TMC1: variants seen among roughly 807,000 people sequenced by gnomAD.
TMC1 encodes the protein transmembrane channel-like protein 1.
In TMC1, 84 loss-of-function variants were observed where a neutral mutation model predicts 105.8. The ratio of observed to expected loss-of-function variants is 0.79; its 90% confidence interval spans 0.67 to 0.95. TMC1 has a LOEUF of 0.95. TMC1 is among the 40% of genes least tolerant of loss of function. The pLI is 0.00. For missense variants in TMC1, 817 were observed against 914.1 expected, an observed-to-expected ratio of 0.89 and a Z score of 1.37; for synonymous variants, 315 against 311.5, an observed-to-expected ratio of 1.01 and a Z score of -0.12.
chr9:72,753,286 C>CTTTTTTTTTT (rs5898269), intron 11 of TMC1, among the ~76,000 whole-genome samples: 7 of 81,824 alleles, frequency 8.6e-5, no homozygotes, highest in Admixed American at 1.6e-4. Flanking sequence ...TTAACCCCAG[C>CTTTTTTTTTT]TTTTTTTTTT....
At chr9:72,655,409 A>G (rs1825868694) in intron 5 of TMC1, among the ~76,000 whole-genome samples, 1 of 152,064 alleles carries the variant, frequency 6.6e-6, no homozygotes, top group Non-Finnish European at 1.5e-5. Context: ...TCACTCTTCC[A>G]TAGTTTCTGA....
At chr9:72,813,043 C>T (rs1458899918) in intron 18 of TMC1, among the ~76,000 whole-genome samples, 1 of 152,172 alleles carries the variant, frequency 6.6e-6, no homozygotes, top group Admixed American at 6.5e-5. Context: ...ATGGGCTTTT[C>T]TGATGCTGGC....
chr9:72,789,224 A>T lies in TMC1; in HGVS notation c.1131A>T (p.Gly377=), dbSNP rs1317459084. The T allele has an allele frequency of 6.2e-7, 1 of 1,613,980 alleles. No homozygotes were observed. The highest frequency in any genetic ancestry group is 1.7e-5 in the Admixed American group (1 of 60,022). ...ACTTCTTCGTGTTTCTAACACTTGG[A>T]GGGAGTGGATACCTCATCTTTTGGG... ...LANFFVFLTL[G]GSGYLIFWAV... Residue 377 remains glycine (G), a synonymous_variant, in exon 15 of 24, where the codon GGA becomes GGT. Coordinates refer to ENST00000297784, the MANE Select transcript of TMC1 (RefSeq NM_138691.3).
chr9:72,535,919 G>A (rs552563480), intron 1 of TMC1, among the ~76,000 whole-genome samples: 21 of 152,224 alleles, frequency 1.4e-4, no homozygotes, highest in African/African-American at 4.3e-4. Flanking sequence ...TAATTTATTC[G>A]TGAATGATTC....
intron 2 of TMC1, among the ~76,000 whole-genome samples, chr9:72,581,129 C>T (rs1422686082): frequency 6.6e-6 from 1 of 152,106 alleles, no homozygotes; most frequent in East Asian, 1.9e-4. Context: ...ACTTTAGCCC[C>T]ATAAATAATG....
intron 1 of TMC1, among the ~76,000 whole-genome samples, chr9:72,559,441 G>GCCCCC (rs551389085): frequency 1.8e-4 from 27 of 151,882 alleles, no homozygotes; most frequent in African/African-American, 6.5e-4. Context: ...AACTTTGTAG[G>GCCCCC]CCCCCACCGA....
At chr9:72,750,689 C>T (rs1042201832) in intron 10 of TMC1, among the ~76,000 whole-genome samples, 2 of 152,078 alleles carry the variant, frequency 1.3e-5, no homozygotes, top group African/African-American at 4.8e-5. Context: ...ATGCTCATCA[C>T]CCCTTCCTCT....
At chr9:72,716,866 G>A (rs1826929465) in intron 8 of TMC1, among the ~76,000 whole-genome samples, 1 of 152,190 alleles carries the variant, frequency 6.6e-6, no homozygotes, top group South Asian at 2.1e-4. Flanking sequence ...GCCCAGTTTT[G>A]TGTTGGAAAC....
At chr9:72,674,258 T>C (rs1025305048) in intron 5 of TMC1, among the ~76,000 whole-genome samples, 3 of 152,186 alleles carry the variant, frequency 2.0e-5, no homozygotes. Context: ...CAATAGGCTT[T>C]TAAAAATGCT....
intron 12 of TMC1, among the ~76,000 whole-genome samples, chr9:72,764,577 T>G (rs1362336251): frequency 6.6e-6 from 1 of 152,220 alleles, no homozygotes; most frequent in Non-Finnish European, 1.5e-5. Context: ...GGTGTTTTGA[T>G]TCATTAAATC....
At chr9:72,600,330 G>A (rs1045069203) in intron 2 of TMC1, among the ~76,000 whole-genome samples, 5 of 152,124 alleles carry the variant, frequency 3.3e-5, no homozygotes, top group South Asian at 2.1e-4. Context: ...TAGCTTTGTC[G>A]CTGATTCAGC....
chr9:72,668,343 T>C (rs1431522638), intron 5 of TMC1, among the ~76,000 whole-genome samples: 1 of 152,234 alleles, frequency 6.6e-6, no homozygotes, highest in Admixed American at 6.5e-5. Context: ...CAGGTCTGTC[T>C]GATTCTGAGA....
chr9:72,640,562 A>T (rs1166354076), intron 4 of TMC1, among the ~76,000 whole-genome samples: 2 of 152,160 alleles, frequency 1.3e-5, no homozygotes, highest in Non-Finnish European at 1.5e-5. Context: ...ATGAAACCAC[A>T]AGTCTTTGTC....
rs757829981 is a variant in TMC1 at position 72,836,086 on chromosome 9, C to T, written c.*113C>T. ...TGGAACTGCTATTTTCCTGTTCTACCCTTGATGGATTTTCAAGGTCATGCT... is the reference window on the plus strand; with the variant it reads ...TGGAACTGCTATTTTCCTGTTCTACTCTTGATGGATTTTCAAGGTCATGCT... On this transcript the variant is annotated 3_prime_UTR_variant, in exon 24 of 24. Transcript: ENST00000297784. 1 of 1,246,872 alleles carries T rather than the reference C, an allele frequency of 8.0e-7. No individual in the cohort carries two copies. Among genetic ancestry groups the T allele is most frequent in the Non-Finnish European group, 1.2e-6 (1 of 856,734 alleles). The allele number at this position is 1,246,872 out of a possible 1,614,324, so 77.2% of individuals were successfully genotyped here.
intron 3 of TMC1, among the ~76,000 whole-genome samples, chr9:72,623,149 T>A (rs1455888523): frequency 1.7e-5 from 1 of 59,374 alleles, no homozygotes; most frequent in East Asian, 5.9e-4. Flanking sequence ...CTCTCCCTGT[T>A]TTTTTTTTTT....
At chr9:72,824,929 T>G (rs1828929107) in intron 20 of TMC1, among the ~76,000 whole-genome samples, 1 of 152,238 alleles carries the variant, frequency 6.6e-6, no homozygotes, top group Non-Finnish European at 1.5e-5. Context: ...GCCTAGGCAT[T>G]TGGCTGCCTC....
chr9:72,546,763 G>GA (rs1278064123), intron 1 of TMC1, among the ~76,000 whole-genome samples: 3 of 152,092 alleles, frequency 2.0e-5, no homozygotes, highest in African/African-American at 7.2e-5. Flanking sequence ...TTCACTCCAG[G>GA]AAAAAAGTTA....
chr9:72,609,449 C>T (rs1279192260), intron 2 of TMC1, among the ~76,000 whole-genome samples: 2 of 151,926 alleles, frequency 1.3e-5, no homozygotes, highest in Non-Finnish European at 2.9e-5. Flanking sequence ...GTGAGGTGGG[C>T]GAATCACTTG....
At chr9:72,570,229 T>TG (rs756068731) in intron 1 of TMC1, among the ~76,000 whole-genome samples, 34 of 87,664 alleles carry the variant, frequency 3.9e-4, no homozygotes, top group African/African-American at 1.9e-3. Context: ...GCTCAAAGAG[T>TG]AGTGTGTGTG....
Sources: gnomAD v4.1 joint callset for allele counts (sites outside exome capture counted in the v4.1 genomes callset) on GRCh38, gnomAD v4.1.1 for gene constraint, MANE v1.5 for transcripts, NCBI Gene and HGNC (gene_info 2026-07-23, HGNC 2026-07-21) for gene names.